The following PRKACB variants were observed in gnomAD, a reference collection of about 807,000 sequenced individuals.
PRKACB encodes cAMP-dependent protein kinase catalytic subunit beta.
A neutral mutation model predicts 51.4 loss-of-function variants in PRKACB; 16 were observed. The ratio of observed to expected loss-of-function variants is 0.31; its 90% CI spans 0.21 to 0.47. The LOEUF (loss-of-function observed/expected upper bound fraction) is 0.47, where lower values mean the gene tolerates loss of function less well. Ranked by LOEUF, PRKACB falls within the 20% of genes least tolerant of loss-of-function variation. The probability of loss-of-function intolerance (pLI) is 1.00; values close to 1 mark genes in which losing one functional copy is unlikely to be tolerated. For synonymous variants in PRKACB, 147 were observed against 154.4 expected (o/e 0.95, Z 0.35); for missense variants, 309 against 464.5 (o/e 0.67, Z 3.08).
At chr1:84,229,641 A>G (rs373840835) in intron 9 of PRKACB, among the ~76,000 whole-genome samples, 13 of 151,662 alleles carry the variant, frequency 8.6e-5, no homozygotes, top group Middle Eastern at 3.4e-3. Context: ...GTGTGAGATG[A>G]TATCTCATTG....
intron 1 of PRKACB, among the ~76,000 whole-genome samples, chr1:84,112,582 T>A (rs566342878): frequency 1.8e-4 from 27 of 152,270 alleles, no homozygotes; most frequent in South Asian, 1.4e-3. Flanking sequence ...TGGCTAAATC[T>A]GGCTTTTCAG....
intron 1 of PRKACB, among the ~76,000 whole-genome samples, chr1:84,103,341 A>G (rs1291331145): frequency 6.6e-6 from 1 of 151,494 alleles, no homozygotes; most frequent in East Asian, 2.0e-4. Flanking sequence ...GCGAACTGCT[A>G]TGCAAGAAGT....
At position 84,205,355 on chromosome 1, in the gene PRKACB, G is replaced by A. The variant is rs1671179200; in HGVS notation, c.906+2550G>A. 3.6e-6 allele frequency: 3 copies of A among 835,826 alleles called. No individual in the cohort carries two copies. The South Asian group carries it at 1.6e-4, about 46-fold the overall frequency. The allele number at this position is 835,826 out of a possible 1,614,324, so 51.8% of individuals were successfully genotyped here. Reference sequence around the variant, plus strand: ...AAAAATATTATTGTCTCTCTGGTTAGTGGCTAAAAGCCAAATTGGAAACTA... The same window carrying A: ...AAAAATATTATTGTCTCTCTGGTTAATGGCTAAAAGCCAAATTGGAAACTA... On this transcript the variant is annotated intron_variant, in intron 8 of 9. Coordinates refer to ENST00000370685, the MANE Select transcript of PRKACB (RefSeq NM_182948.4).
intron 1 of PRKACB, among the ~76,000 whole-genome samples, chr1:84,081,708 G>A (rs1252684314): frequency 2.6e-5 from 4 of 152,094 alleles, no homozygotes; most frequent in Non-Finnish European, 4.4e-5. Context: ...AACCTGGGAG[G>A]GGTTTTTATT....
intron 9 of PRKACB, among the ~76,000 whole-genome samples, chr1:84,228,149 CT>C (rs1313791471): frequency 5.3e-5 from 8 of 152,086 alleles, no homozygotes; most frequent in African/African-American, 1.9e-4. Context: ...CCCATTCCTA[CT>C]TATTTTTACC....
chr1:84,122,458 G>T (rs1283577856), intron 1 of PRKACB, among the ~76,000 whole-genome samples: 1 of 152,078 alleles, frequency 6.6e-6, no homozygotes, highest in Non-Finnish European at 1.5e-5. Flanking sequence ...CAGATCCATT[G>T]TAAACAGTCA....
intron 9 of PRKACB, among the ~76,000 whole-genome samples, chr1:84,224,844 T>G (rs149398279): frequency 6.6e-6 from 1 of 152,330 alleles, no homozygotes; most frequent in Non-Finnish European, 1.5e-5. Context: ...ACTCAATCAC[T>G]GTGGGAGGTG....
intron 1 of PRKACB, among the ~76,000 whole-genome samples, chr1:84,162,883 CAT>C (rs1403869387): frequency 1.3e-5 from 2 of 151,884 alleles, no homozygotes; most frequent in African/African-American, 2.4e-5. Flanking sequence ...TTTAAAATAA[CAT>C]GTGGTAGTAG....
intron 5 of PRKACB, among the ~76,000 whole-genome samples, chr1:84,187,710 G>A (rs1665577120): frequency 6.6e-6 from 1 of 152,070 alleles, no homozygotes; most frequent in Non-Finnish European, 1.5e-5. Flanking sequence ...ATAATGTACA[G>A]ACTTACAGTC....
chr1:84,234,811 G>C (rs1170554345), intron 9 of PRKACB, among the ~76,000 whole-genome samples: 4 of 152,026 alleles, frequency 2.6e-5, no homozygotes, highest in Non-Finnish European at 4.4e-5. Flanking sequence ...TGCGCCCACT[G>C]TCTGGCACTC....
At chr1:84,208,674 A>T (rs779909343) in intron 8 of PRKACB, among the ~76,000 whole-genome samples, 3 of 152,182 alleles carry the variant, frequency 2.0e-5, no homozygotes, top group Non-Finnish European at 4.4e-5. Flanking sequence ...TCAGTTTCAG[A>T]TCATTAAAAT....
At chr1:84,083,024 C>A (rs1466293443) in intron 1 of PRKACB, among the ~76,000 whole-genome samples, 2 of 152,024 alleles carry the variant, frequency 1.3e-5, no homozygotes, top group African/African-American at 4.8e-5. Context: ...TTATTAACTA[C>A]AAAGTTAAAT....
chr1:84,186,917 T>G (rs1025362218), intron 5 of PRKACB, among the ~76,000 whole-genome samples: 2 of 152,188 alleles, frequency 1.3e-5, no homozygotes, highest in Admixed American at 6.5e-5. Flanking sequence ...TCTTTAAGTG[T>G]TGGGCTAACG....
rs368816579 is a variant in PRKACB, at chr1:84,221,044, A to G, written c.1071+6727A>G. On this transcript the variant is annotated intron_variant, in intron 9 of 9. Coordinates refer to ENST00000370685, the MANE Select transcript of PRKACB (RefSeq NM_182948.4). ...TAGTTCTTCTTTATAAGGTTGATAG[A>G]ATTGAGCAGTAAAGCCATGCAGCCC... 1.5e-4 allele frequency among the ~76,000 whole-genome samples: 23 copies of G among 152,258 alleles called. 3 individuals are homozygous for G. Among genetic ancestry groups the G allele is most frequent in the Admixed American group, 1.2e-3 (18 of 15,300 alleles).
chr1:84,230,174 A>G (rs1255973258), intron 9 of PRKACB, among the ~76,000 whole-genome samples: 3 of 151,778 alleles, frequency 2.0e-5, no homozygotes, highest in Non-Finnish European at 4.4e-5. Flanking sequence ...TCCCAGCACC[A>G]TTTATTAAAT....
chr1:84,112,827 T>G (rs1650343386), intron 1 of PRKACB, among the ~76,000 whole-genome samples: 1 of 152,106 alleles, frequency 6.6e-6, no homozygotes, highest in African/African-American at 2.4e-5. Context: ...GATTGATAGT[T>G]AAAGTCTTAG....
rs772715076 is a variant in PRKACB, at chr1:84,144,383, C to T, written c.22C>T (p.Pro8Ser). The change falls in exon 1 of 10, where the codon CCT (proline) becomes TCT (serine). Residue 8 changes from proline to serine, a missense_variant. Around this residue, in one of 3 missense-constraint regions of PRKACB, gnomAD observed 153 missense variants for 190.2 expected, o/e 0.80. Transcript: ENST00000370685. ...ATGAATGGCAGCTTATAGAGAACCA[C>T]CTTGTAACCAGTATACAGGTACAAC... MAAYREPPCNQYTGTTTA... is the reference protein window; with the variant it reads MAAYREPSCNQYTGTTTA... The T allele has an allele frequency of 9.9e-6, 16 of 1,611,362 alleles. No homozygotes were observed. The highest frequency in any genetic ancestry group is 1.4e-5 in the Non-Finnish European group (16 of 1,178,964).
chr1:84,113,230 G>A (rs1571628136), intron 1 of PRKACB, among the ~76,000 whole-genome samples: 1 of 152,180 alleles, frequency 6.6e-6, no homozygotes, highest in East Asian at 1.9e-4. Context: ...ATGTAAATTG[G>A]GATAGCCATT....
chr1:84,180,946 C>A (rs1287352710), intron 2 of PRKACB, among the ~76,000 whole-genome samples: 3 of 151,916 alleles, frequency 2.0e-5, no homozygotes, highest in Non-Finnish European at 4.4e-5. Flanking sequence ...ACATTTTAAT[C>A]CATCCATGTT....
Sources: allele counts gnomAD v4.1 joint callset (sites outside exome capture counted in the v4.1 genomes callset), GRCh38; gene constraint gnomAD v4.1.1; regional missense constraint gnomAD v4.1.1; transcripts MANE v1.5; gene names NCBI Gene and HGNC (gene_info 2026-07-23, HGNC 2026-07-21).